Variants in PDZD2 observed in about 807,000 individuals in gnomAD.
The protein encoded by PDZD2 is PDZ domain containing 2.
A neutral mutation model predicts 220.7 loss-of-function variants in PDZD2; 90 were observed. That is an observed-to-expected ratio of 0.41 (90% CI 0.34 to 0.49). The LOEUF is 0.49. Among genes scored for constraint, PDZD2 ranks in the 20% least tolerant of loss-of-function variants. PDZD2 has a pLI of 0.28. For missense variants in PDZD2, 3,174 were observed against 3,608.5 expected, an observed-to-expected ratio of 0.88 and a Z score of 3.08; for synonymous variants, 1,375 against 1,450.5, an observed-to-expected ratio of 0.95 and a Z score of 1.18.
At chr5:31,690,651 C>T (rs1320659448) in intron 1 of PDZD2, among the ~76,000 whole-genome samples, 7 of 152,188 alleles carry the variant, frequency 4.6e-5, no homozygotes, top group African/African-American at 1.7e-4. Flanking sequence ...TGTATCTTCT[C>T]CTCTTTGTAT....
intron 7 of PDZD2, among the ~76,000 whole-genome samples, chr5:32,041,646 T>G (rs951643297): frequency 3.9e-5 from 6 of 152,030 alleles, no homozygotes; most frequent in Non-Finnish European, 7.4e-5. Context: ...GAAGGCAGCA[T>G]GCTCGTTAAG....
chr5:31,962,158 G>T (rs2111705377), intron 2 of PDZD2, among the ~76,000 whole-genome samples: 1 of 152,272 alleles, frequency 6.6e-6, no homozygotes, highest in Non-Finnish European at 1.5e-5. Context: ...TGTGCCTGAT[G>T]ATTTAAAGAA....
chr5:32,094,402 G>A (rs1198891583), intron 21 of PDZD2, among the ~76,000 whole-genome samples: 1 of 152,178 alleles, frequency 6.6e-6, no homozygotes, highest in African/African-American at 2.4e-5. Flanking sequence ...TGTTTCTTTA[G>A]TGGTAGTATA....
intron 2 of PDZD2, among the ~76,000 whole-genome samples, chr5:31,882,953 C>T (rs1056061599): frequency 2.1e-4 from 30 of 142,526 alleles, no homozygotes; most frequent in African/African-American, 7.9e-4. Context: ...TCGCTTGAAC[C>T]CTGGAGGCAG....
chr5:32,087,589 G>A lies in PDZD2; in HGVS notation c.4141G>A (p.Gly1381Arg), dbSNP rs752137137. 3.7e-6 allele frequency: 6 copies of A among 1,614,080 alleles called. No homozygotes were observed. Among genetic ancestry groups the A allele is most frequent in the Admixed American group, 1.7e-5 (1 of 60,018 alleles). The change falls in exon 20 of 25, where the codon GGA (glycine) becomes AGA (arginine). Residue 1381 changes from glycine (G) to arginine (R), a missense_variant. Coordinates refer to ENST00000438447, the MANE Select transcript of PDZD2 (RefSeq NM_178140.4). This position sits in a 1 kb window ranked among gnomAD's most constrained non-coding sequence, Gnocchi z 4.0. ...CTCCCAGGAGCCTTCCCTGCTGGAG[G>A]GAGCAGATTCTGTGTCCTCAAGGGC... ...ESSQEPSLLE[G>R]ADSVSSRAPQ...
chr5:31,672,069 G>A lies in PDZD2; in HGVS notation c.-361+32632G>A, dbSNP rs1054080902. 1.1e-4 allele frequency among the ~76,000 whole-genome samples: 17 copies of A among 152,214 alleles called. 1 individual carries two copies. Among genetic ancestry groups the A allele is most frequent in the Admixed American group, 1.0e-3 (16 of 15,294 alleles). Reference sequence around the variant, plus strand: ...AGCATCCTTGACCTCTACCCACTAGGTGCCATTAGCACCTCCCAATAGTGA... The same window carrying A: ...AGCATCCTTGACCTCTACCCACTAGATGCCATTAGCACCTCCCAATAGTGA... On this transcript the variant is annotated intron_variant, in intron 1 of 24. Coordinates refer to ENST00000438447, the MANE Select transcript of PDZD2 (RefSeq NM_178140.4).
At chr5:31,853,269 G>A (rs1758167628) in intron 2 of PDZD2, among the ~76,000 whole-genome samples, 1 of 152,200 alleles carries the variant, frequency 6.6e-6, no homozygotes, top group African/African-American at 2.4e-5. Flanking sequence ...GAATTGCGAT[G>A]TTTGGAGGAC....
At chr5:31,699,272 G>A (rs952362274) in intron 1 of PDZD2, among the ~76,000 whole-genome samples, 9 of 152,132 alleles carry the variant, frequency 5.9e-5, no homozygotes, top group Non-Finnish European at 1.2e-4. Flanking sequence ...AGAAGGTGGT[G>A]GGCGAGGGGT....
At chr5:31,894,617 T>A (rs1741372012) in intron 2 of PDZD2, among the ~76,000 whole-genome samples, 1 of 152,358 alleles carries the variant, frequency 6.6e-6, no homozygotes, top group East Asian at 1.9e-4. Flanking sequence ...CCTGTCCGCA[T>A]GTACACTTAT....
intron 2 of PDZD2, among the ~76,000 whole-genome samples, chr5:31,952,196 T>A (rs374404715): frequency 6.6e-6 from 1 of 152,230 alleles, no homozygotes; most frequent in African/African-American, 2.4e-5. Context: ...CTGTCTGTGG[T>A]CATAATTTTG....
intron 19 of PDZD2, among the ~76,000 whole-genome samples, chr5:32,082,188 A>G (rs1351398280): frequency 6.6e-6 from 1 of 150,968 alleles, no homozygotes; most frequent in Non-Finnish European, 1.5e-5. Flanking sequence ...CGCTCGGCCA[A>G]TTTTTGTGTT....
intron 2 of PDZD2, among the ~76,000 whole-genome samples, chr5:31,802,690 G>A (rs1383007593): frequency 2.0e-5 from 3 of 152,138 alleles, no homozygotes; most frequent in Non-Finnish European, 4.4e-5. Context: ...GGAGGCCGAG[G>A]CGGGCAGATC....
chr5:31,980,930 C>T (rs933571328), intron 2 of PDZD2, among the ~76,000 whole-genome samples: 1 of 152,116 alleles, frequency 6.6e-6, no homozygotes, highest in Non-Finnish European at 1.5e-5. Flanking sequence ...ACTACAGCCG[C>T]GCACCACCAT....
At chr5:32,064,799 C>G (rs375112971) in intron 14 of PDZD2, among the ~76,000 whole-genome samples, 1 of 138,728 alleles carries the variant, frequency 7.2e-6, no homozygotes. Context: ...AAAACCACGT[C>G]TCTACTAAAA....
intron 10 of PDZD2, among the ~76,000 whole-genome samples, chr5:32,057,328 A>G (rs1242583859): frequency 6.6e-6 from 1 of 152,216 alleles, no homozygotes; most frequent in African/African-American, 2.4e-5. Flanking sequence ...ACTATGAGGA[A>G]CGCCTTTGAA....
At chr5:31,670,203 AT>A (rs1746162119) in intron 1 of PDZD2, among the ~76,000 whole-genome samples, 1 of 152,118 alleles carries the variant, frequency 6.6e-6, no homozygotes, top group Non-Finnish European at 1.5e-5. Flanking sequence ...AGGAGAAGAA[AT>A]GTACATACAT....
At chr5:32,072,686 G>A (rs975299749) in intron 17 of PDZD2, among the ~76,000 whole-genome samples, 1 of 152,158 alleles carries the variant, frequency 6.6e-6, no homozygotes, top group African/African-American at 2.4e-5. Context: ...AGCTGAGATC[G>A]CACCATTAGA....
chr5:31,959,772 A>G (rs1199833844), intron 2 of PDZD2, among the ~76,000 whole-genome samples: 2 of 152,166 alleles, frequency 1.3e-5, no homozygotes, highest in Non-Finnish European at 2.9e-5. Context: ...AAACAATACA[A>G]AGTATTCTCT....
At chr5:31,788,244 G>A (rs1014677980) in intron 1 of PDZD2, among the ~76,000 whole-genome samples, 1 of 152,166 alleles carries the variant, frequency 6.6e-6, no homozygotes, top group East Asian at 1.9e-4. Flanking sequence ...GATAGTGGGT[G>A]CCTGTAATCC....
Sources: gnomAD v4.1 joint callset for allele counts (sites outside exome capture counted in the v4.1 genomes callset) on GRCh38, gnomAD v4.1.1 for gene constraint, Gnocchi (gnomAD v3.1) non-coding constraint, MANE v1.5 for transcripts, NCBI Gene and HGNC (gene_info 2026-07-23, HGNC 2026-07-21) for gene names.